BMPR1B: variants seen among roughly 807,000 people sequenced by gnomAD.
BMPR1B encodes bone morphogenetic protein receptor type-1B.
A neutral mutation model predicts 59.1 loss-of-function variants in BMPR1B; 12 were observed. The observed-to-expected ratio is 0.20, with a 90% confidence interval of 0.13 to 0.33. BMPR1B has a LOEUF of 0.33. Ranked by LOEUF, BMPR1B falls within the 10% of genes least tolerant of loss-of-function variation. BMPR1B has a pLI of 1.00. For missense variants in BMPR1B, 550 were observed against 610.9 expected (o/e 0.90, Z 1.05); for synonymous variants, 237 against 207.3 (o/e 1.14, Z -1.23).
chr4:94,872,822 G>C (rs1002883112), intron 1 of BMPR1B, among the ~76,000 whole-genome samples: 2 of 152,232 alleles, frequency 1.3e-5, no homozygotes, highest in Non-Finnish European at 2.9e-5. Flanking sequence ...TGCTTTCTGT[G>C]AGTATAAAAC....
chr4:94,951,537 C>A (rs1019849029), intron 2 of BMPR1B, among the ~76,000 whole-genome samples: 4 of 151,930 alleles, frequency 2.6e-5, no homozygotes, highest in Non-Finnish European at 5.9e-5. Flanking sequence ...TAATTACGTG[C>A]TTTTTGTCAT....
At position 94,793,014 on chromosome 4, in the gene BMPR1B, CT is replaced by C. The variant is rs777897684; in HGVS notation, c.-183+34955del. ...AGGATCTATAGAAAACTTTTTTTTT[CT>C]TTTTTTTTATTATTATTATACTTTA... is the stretch of plus-strand genomic sequence containing the variant. On this transcript the variant is annotated intron_variant, in intron 1 of 12. Coordinates refer to ENST00000515059, the MANE Select transcript of BMPR1B (RefSeq NM_001203.3). Among the ~76,000 whole-genome samples, 487 of 140,416 alleles carry C rather than the reference CT, an allele frequency of 3.5e-3. 3 individuals carry two copies. The highest frequency in any genetic ancestry group is 0.011 in the African/African-American group (419 of 38,056). 92.1% of individuals were successfully genotyped at this position (140,416 alleles called of 152,430 possible). A position where few individuals can be genotyped will look rare whatever the true frequency, so the allele number is the denominator to read the frequency against.
chr4:95,104,350 C>A, intron 3 of BMPR1B, 58 bp from the exon 4 acceptor site: 1 of 1,572,334 alleles, frequency 6.4e-7, no homozygotes, highest in South Asian at 1.1e-5. Context: ...TTCGTTTGAA[C>A]AGAAGACTGG....
At chr4:94,761,356 A>G (rs1363890794) in intron 1 of BMPR1B, among the ~76,000 whole-genome samples, 1 of 150,700 alleles carries the variant, frequency 6.6e-6, no homozygotes, top group African/African-American at 2.4e-5. Flanking sequence ...CAGAATTACT[A>G]TTTCTTACCT....
At chr4:95,151,623 T>G (rs996230928) in intron 11 of BMPR1B, among the ~76,000 whole-genome samples, 20 of 152,188 alleles carry the variant, frequency 1.3e-4, no homozygotes, top group African/African-American at 4.8e-4. Flanking sequence ...TGGTCCTTGA[T>G]GATTTTATAA....
intron 3 of BMPR1B, among the ~76,000 whole-genome samples, chr4:95,089,377 G>A (rs910542558): frequency 5.3e-5 from 8 of 152,074 alleles, no homozygotes; most frequent in African/African-American, 1.4e-4. Flanking sequence ...TTTAAAAGAG[G>A]AGGAAGGAAA....
chr4:94,790,800 A>ACCTCTT (rs1722954718), intron 1 of BMPR1B, among the ~76,000 whole-genome samples: 2 of 152,116 alleles, frequency 1.3e-5, no homozygotes, highest in African/African-American at 2.4e-5. Flanking sequence ...CACACATTTT[A>ACCTCTT]GTTTTTTACC....
At chr4:95,024,562 T>G (rs922219528) in intron 3 of BMPR1B, among the ~76,000 whole-genome samples, 1 of 152,186 alleles carries the variant, frequency 6.6e-6, no homozygotes, top group Non-Finnish European at 1.5e-5. Context: ...TGAACGTGGA[T>G]AACTGGGTTT....
chr4:95,125,671 A>C (rs1455094612), intron 8 of BMPR1B, among the ~76,000 whole-genome samples: 1 of 152,204 alleles, frequency 6.6e-6, no homozygotes, highest in Non-Finnish European at 1.5e-5. Context: ...AGAGATGTAC[A>C]AATAGTAAAA....
intron 2 of BMPR1B, among the ~76,000 whole-genome samples, chr4:94,937,329 G>A (rs1729349541): frequency 6.6e-6 from 1 of 152,098 alleles, no homozygotes; most frequent in South Asian, 2.1e-4. Flanking sequence ...CCGTATTAAT[G>A]CCTTGAATAC....
At chr4:95,026,787 A>G (rs1006714460) in intron 3 of BMPR1B, among the ~76,000 whole-genome samples, 2 of 141,462 alleles carry the variant, frequency 1.4e-5, no homozygotes, top group Admixed American at 1.5e-4. Context: ...TATTAGAGGT[A>G]GTGTCTCACT....
intron 2 of BMPR1B, among the ~76,000 whole-genome samples, chr4:94,944,888 A>G (rs1437562107): frequency 2.6e-5 from 4 of 152,222 alleles, no homozygotes; most frequent in African/African-American, 9.7e-5. Context: ...CATCATTATT[A>G]TAACAGACTT....
At chr4:95,042,103 G>A (rs529435031) in intron 3 of BMPR1B, among the ~76,000 whole-genome samples, 16 of 152,152 alleles carry the variant, frequency 1.1e-4, no homozygotes, top group Admixed American at 2.6e-4. Context: ...TGATCCACCC[G>A]CCTCGGCCTC....
intron 3 of BMPR1B, among the ~76,000 whole-genome samples, chr4:95,049,419 G>GTTTTTTTTTTTTT (rs761496965): frequency 1.3e-5 from 1 of 77,404 alleles, no homozygotes; most frequent in Non-Finnish European, 2.4e-5. Context: ...CAGCATAAAA[G>GTTTTTTTTTTTTT]TTTTTTTTTT....
intron 10 of BMPR1B, among the ~76,000 whole-genome samples, chr4:95,140,378 T>TA: frequency 6.6e-6 from 1 of 152,320 alleles, no homozygotes; most frequent in South Asian, 2.1e-4. Flanking sequence ...TTTCTAATCT[T>TA]ACATTCTACA....
intron 2 of BMPR1B, among the ~76,000 whole-genome samples, chr4:94,964,794 A>G (rs2149070006): frequency 6.6e-6 from 1 of 152,140 alleles, no homozygotes; most frequent in East Asian, 1.9e-4. Flanking sequence ...CCACTTGGAG[A>G]CTTGGTTTTC....
chr4:95,053,356 C>A (rs571207756), intron 3 of BMPR1B, among the ~76,000 whole-genome samples: 1 of 144,730 alleles, frequency 6.9e-6, no homozygotes, highest in Non-Finnish European at 1.5e-5. Flanking sequence ...TTATATCATA[C>A]TATCATAGTG....
chr4:94,908,278 A>AT (rs531138269), intron 2 of BMPR1B, among the ~76,000 whole-genome samples: 1,831 of 151,602 alleles, frequency 0.012, 23 homozygotes, highest in South Asian at 0.021. Context: ...TAAATTTAAC[A>AT]TATTAGTTAG....
chr4:94,836,432 T>A (rs1211807768), intron 1 of BMPR1B, among the ~76,000 whole-genome samples: 1 of 139,422 alleles, frequency 7.2e-6, no homozygotes, highest in Admixed American at 7.0e-5. Flanking sequence ...GTTTCCTGAC[T>A]TTTTAATGAT....
Sources: gnomAD v4.1 joint callset for allele counts (sites outside exome capture counted in the v4.1 genomes callset) on GRCh38, gnomAD v4.1.1 for gene constraint, MANE v1.5 for transcripts, NCBI Gene and HGNC (gene_info 2026-07-23, HGNC 2026-07-21) for gene names.